Variants in SMARCD3 observed in about 807,000 individuals in gnomAD.
SMARCD3 encodes the protein SWI/SNF related BAF chromatin remodeling complex subunit D3.
SMARCD3 carries 14 observed loss-of-function variants against 58.0 expected under a neutral mutation model. The observed-to-expected ratio is 0.24, with a 90% confidence interval of 0.16 to 0.38. The LOEUF (loss-of-function observed/expected upper bound fraction) is 0.38, where lower values mean the gene tolerates loss of function less well. SMARCD3 is among the 10% of genes least tolerant of loss of function. SMARCD3 has a pLI of 1.00. For missense variants in SMARCD3, 408 were observed against 636.9 expected (o/e 0.64, Z 3.87); for synonymous variants, 253 against 253.8 (o/e 1.00, Z 0.03).
Position 151,246,491 on chromosome 7 carries a change from G to A in SMARCD3, c.79-820C>T, listed in dbSNP as rs896571921. On this transcript the variant is annotated intron_variant, in intron 1 of 12. Transcript: ENST00000262188. The surrounding 1 kb of genome is among the most constrained non-coding windows in gnomAD (Gnocchi z 4.4). Reference sequence around the variant, plus strand: ...CCAGGATTCTCTGATTGGGAGGAGGGGAACTGCGTTAGAGGTGGGCTGCCC... The same window carrying A: ...CCAGGATTCTCTGATTGGGAGGAGGAGAACTGCGTTAGAGGTGGGCTGCCC... 6.6e-6 allele frequency among the ~76,000 whole-genome samples: 1 copy of A among 152,172 alleles called. No homozygotes were observed. Among genetic ancestry groups the A allele is most frequent in the African/African-American group, 2.4e-5 (1 of 41,440 alleles).
Position 151,242,676 on chromosome 7 carries a change from G to T in SMARCD3, c.456+45C>A. The T allele has an allele frequency of 6.2e-7, 1 of 1,613,350 alleles. No individual in the cohort carries two copies. Among genetic ancestry groups the T allele is most frequent in the Non-Finnish European group, 8.5e-7 (1 of 1,179,428 alleles). ...CCGACCACCCTGCTTCCCCATCCTG[G>T]TCACACAACTCTAGAGTCCCCTTCC... On this transcript the variant is annotated intron_variant, in intron 4 of 12. Coordinates refer to ENST00000262188, the MANE Select transcript of SMARCD3 (RefSeq NM_001003801.2). The surrounding 1 kb of genome is among the most constrained non-coding windows in gnomAD (Gnocchi z 4.7).
upstream of SMARCD3, among the ~76,000 whole-genome samples, chr7:151,252,253 G>A (rs1803544776): frequency 6.6e-6 from 1 of 152,154 alleles, no homozygotes; most frequent in Admixed American, 6.5e-5. Flanking sequence ...AAGAGAAGCT[G>A]GCGAGGGGAT....
exon 2 of SMARCD3, chr7:151,275,185 C>A: frequency 6.2e-7 from 1 of 1,604,182 alleles, no homozygotes; most frequent in East Asian, 2.2e-5. Context: ...GAGAGTCATC[C>A]AGTGCCCCCT....
At chr7:151,240,546 G>A (rs2150589756) in intron 8 of SMARCD3, 24 bp from the exon 9 acceptor site, 9 of 1,523,744 alleles carry the variant, frequency 5.9e-6, no homozygotes, top group Non-Finnish European at 8.2e-6. Flanking sequence ...ATTGGGGAGA[G>A]AGAGATCACT....
Position 151,243,651 on chromosome 7 carries a change from G to A in SMARCD3, c.333+8C>T. On this transcript the variant is annotated splice_region_variant and intron_variant, in intron 3 of 12. Coordinates refer to ENST00000262188, the MANE Select transcript of SMARCD3 (RefSeq NM_001003801.2). The surrounding 1 kb of genome is among the most constrained non-coding windows in gnomAD (Gnocchi z 4.4). The stretch of plus-strand genomic sequence containing the variant: ...GGTGGGCTGGGGGCTGCTGTGAAAG[G>A]CACTCACCCTTTGAGGGAGGATTTT... 1 of 1,585,596 alleles carries A rather than the reference G, an allele frequency of 6.3e-7. No homozygotes were observed. The highest frequency in any genetic ancestry group is 1.7e-4 in the Middle Eastern group (1 of 5,826).
At chr7:151,275,241 A>C in exon 2 of SMARCD3, 1 of 1,107,286 alleles carries the variant, frequency 9.0e-7, no homozygotes, top group Non-Finnish European at 1.4e-6. Context: ...ACCAAGGGCC[A>C]TTCTGAGGAT....
At position 151,248,630 on chromosome 7, in the gene SMARCD3, T is replaced by G; in HGVS notation, c.-68A>C. ...CTCTTTCTTTCCCTTTTCTGCCTTT[T>G]TTTTTCCTCCAACTCTCCCCTCTGA... On this transcript the variant is annotated 5_prime_UTR_variant, in exon 1 of 13. Transcript: ENST00000262188. The surrounding 1 kb of genome is among the most constrained non-coding windows in gnomAD (Gnocchi z 6.1). 1 of 1,603,612 alleles carries G rather than the reference T, an allele frequency of 6.2e-7. No individual in the cohort carries two copies. Among genetic ancestry groups the G allele is most frequent in the South Asian group, 1.1e-5 (1 of 90,548 alleles).
chr7:151,276,324 C>A (rs1795339973), intron 1 of SMARCD3, among the ~76,000 whole-genome samples: 1 of 135,940 alleles, frequency 7.4e-6, no homozygotes, highest in Admixed American at 7.3e-5. Flanking sequence ...AGGGAAGGTG[C>A]CAGACAGGGG....
At position 151,245,588 on chromosome 7, in the gene SMARCD3, G is replaced by A. The variant is rs2150595548; in HGVS notation, c.162C>T (p.Pro54=). The change falls in exon 2 of 13, where the codon CCC becomes CCT. Residue 54 remains proline, a synonymous_variant. Transcript: ENST00000262188. This position sits in a 1 kb window ranked among gnomAD's most constrained non-coding sequence, Gnocchi z 6.2. ...CGGGGGCCAGGCCGGGTCGCACGGCGGGGCTGCCCATGTACGGGGAGCCCG... is the reference window on the plus strand; with the variant it reads ...CGGGGGCCAGGCCGGGTCGCACGGCAGGGCTGCCCATGTACGGGGAGCCCG... The part of the protein sequence containing the change: ...GPPGSPYMGS[P]AVRPGLAPAG... The A allele has an allele frequency of 9.5e-6, 11 of 1,162,260 alleles. No individual in the cohort carries two copies. The South Asian group carries it at 3.9e-4, about 41-fold the overall frequency. The allele number at this position is 1,162,260 out of a possible 1,614,324, so 72.0% of individuals were successfully genotyped here.
chr7:151,268,890 C>G (rs1795074670), intron 2 of SMARCD3, among the ~76,000 whole-genome samples: 1 of 152,126 alleles, frequency 6.6e-6, no homozygotes, highest in African/African-American at 2.4e-5. Context: ...AGGCATGAAC[C>G]ACTGCGACTG....
At chr7:151,271,818 G>A (rs1434999703) in intron 2 of SMARCD3, among the ~76,000 whole-genome samples, 1 of 151,976 alleles carries the variant, frequency 6.6e-6, no homozygotes, top group African/African-American at 2.4e-5. Flanking sequence ...CAAAAGCTAG[G>A]GGGCATTGTG....
At chr7:151,252,477 G>GGAGAGA (rs1266900834), upstream of SMARCD3, among the ~76,000 whole-genome samples, 5 of 152,018 alleles carry the variant, frequency 3.3e-5, no homozygotes, top group Admixed American at 3.3e-4. Context: ...GAGAGGAGAG[G>GGAGAGA]GAGAGAGAGA....
At chr7:151,275,753 C>T (rs548029819) in intron 1 of SMARCD3, among the ~76,000 whole-genome samples, 1 of 152,324 alleles carries the variant, frequency 6.6e-6, no homozygotes, top group South Asian at 2.1e-4. Context: ...CTGCTAGTGC[C>T]TGCTCTGTCC....
intron 2 of SMARCD3, among the ~76,000 whole-genome samples, chr7:151,259,443 G>A (rs1450650958): frequency 6.8e-6 from 1 of 147,484 alleles, no homozygotes; most frequent in Non-Finnish European, 1.5e-5. Context: ...AAAGGAGGCA[G>A]GGCTTTTTAT....
chr7:151,248,754 C>CCCGCCGCCG (rs563262664), upstream of SMARCD3: 12 of 1,041,698 alleles, frequency 1.2e-5, no homozygotes, highest in African/African-American at 1.4e-4. The surrounding 1 kb of genome is among the most constrained non-coding windows in gnomAD (Gnocchi z 6.1). Flanking sequence ...CCGCCGCCCG[C>CCCGCCGCCG]CCGCCGCCGC....
At position 151,243,248 on chromosome 7, in the gene SMARCD3, T is replaced by C. The variant is rs1457751848; in HGVS notation, c.334-405A>G. Among the ~76,000 whole-genome samples the C allele has an allele frequency of 6.6e-6, 1 of 152,174 alleles. No individual in the cohort carries two copies. The highest frequency in any genetic ancestry group is 1.5e-5 in the Non-Finnish European group (1 of 68,026). On this transcript the variant is annotated intron_variant, in intron 3 of 12. Transcript: ENST00000262188. The surrounding 1 kb of genome is among the most constrained non-coding windows in gnomAD (Gnocchi z 4.4). The stretch of plus-strand genomic sequence containing the variant: ...ACAGTTGGACAGCGGTGCTTTCTTC[T>C]CTGCTGGCACCTTGCTCAGCCCCCA...
In SMARCD3 at chr7:151,245,988, T is replaced by C. The variant is rs1345989527; in HGVS notation, c.79-317A>G. ...ATGGCGCCTTTCAACCTTTCAAAGA[T>C]GTTCACATCCACATGCTCCTCTGCA... On this transcript the variant is annotated intron_variant, in intron 1 of 12. Transcript: ENST00000262188. The surrounding 1 kb of genome is among the most constrained non-coding windows in gnomAD (Gnocchi z 6.2). 1 of 228,750 alleles carries C rather than the reference T, an allele frequency of 4.4e-6. No homozygotes were observed. The highest frequency in any genetic ancestry group is 2.3e-5 in the African/African-American group (1 of 43,934). 14.2% of individuals were successfully genotyped at this position (228,750 alleles called of 1,614,324 possible). A position where few individuals can be genotyped will look rare whatever the true frequency, so the allele number is the denominator to read the frequency against.
At position 151,265,398 on chromosome 7, in the gene SMARCD3, C is replaced by T. The variant is rs186045991; in HGVS notation, c.39+9716G>A. Among the ~76,000 whole-genome samples, 529 of 152,328 alleles carry T rather than the reference C, an allele frequency of 3.5e-3. 7 individuals carry two copies. Among genetic ancestry groups the T allele is most frequent in the Non-Finnish European group, 2.4e-3 (160 of 68,036 alleles). ...CACAGCCTTCAGAAGGAACCAACCC[C>T]GCTGACACCTTGATTTCAGACTTCC... On this transcript the variant is annotated intron_variant, in intron 2 of 13. Coordinates refer to the SMARCD3 transcript ENST00000356800.
chr7:151,260,377 C>T (rs760573201), intron 2 of SMARCD3, among the ~76,000 whole-genome samples: 8 of 152,152 alleles, frequency 5.3e-5, no homozygotes, highest in South Asian at 2.1e-4. Context: ...GCTGATTGTT[C>T]GAAACATTGG....
Sources: allele counts gnomAD v4.1 joint callset (sites outside exome capture counted in the v4.1 genomes callset), GRCh38; gene constraint gnomAD v4.1.1; non-coding constraint Gnocchi (gnomAD v3.1); transcripts MANE v1.5; gene names NCBI Gene and HGNC (gene_info 2026-07-23, HGNC 2026-07-21).